Variants in HAPLN1 observed in about 807,000 individuals in gnomAD.
The protein encoded by HAPLN1 is hyaluronan and proteoglycan link protein 1, also known as Cartilage link protein.
A neutral mutation model predicts 36.5 loss-of-function variants in HAPLN1; 13 were observed. The ratio of observed to expected loss-of-function variants is 0.36; its 90% CI spans 0.23 to 0.57. The LOEUF (loss-of-function observed/expected upper bound fraction) is 0.57, where lower values mean the gene tolerates loss of function less well. HAPLN1 is among the 20% of genes least tolerant of loss of function. HAPLN1 has a pLI of 0.83. For synonymous variants in HAPLN1, 202 were observed against 169.8 expected (o/e 1.19, Z -1.48); for missense variants, 407 against 439.7 (o/e 0.93, Z 0.66).
intron 3 of HAPLN1, chr5:83,652,152 A>G: frequency 2.8e-6 from 1 of 362,004 alleles, no homozygotes; most frequent in Non-Finnish European, 4.9e-6. Context: ...ATAACCATAT[A>G]ATGGAATTTA....
rs1750103623 is a variant in HAPLN1, at chr5:83,652,693, G to A, written c.232C>T (p.Arg78Ter). The A allele has an allele frequency of 1.2e-6, 2 of 1,613,964 alleles. No homozygotes were observed. Among genetic ancestry groups the A allele is most frequent in the Non-Finnish European group, 8.5e-7 (1 of 1,179,968 alleles). ...GAAGTTAGCTTGGTCCACTTAATTC[G>A]GATTTTATGGATTCCTGAGCCAAAT... is the stretch of plus-strand genomic sequence containing the variant. ...TAFGSGIHKIRIKWTKLTSDY... is the reference protein window; with the variant it reads ...TAFGSGIHKI The change falls in exon 3 of 5, where the codon CGA (arginine) becomes TGA (stop). Residue 78 changes from arginine to a stop codon, truncating the protein, a stop_gained. Transcript: ENST00000274341. LOFTEE classifies it high-confidence loss of function.
At chr5:83,647,197 G>C (rs1749903054) in intron 3 of HAPLN1, among the ~76,000 whole-genome samples, 1 of 152,028 alleles carries the variant, frequency 6.6e-6, no homozygotes, top group South Asian at 2.1e-4. Flanking sequence ...ATATATTTTT[G>C]AGTTGTTTTC....
chr5:83,652,650 A>G lies in HAPLN1; in HGVS notation c.275T>C (p.Val92Ala), dbSNP rs1405050047. Reference protein sequence around the residue: ...TKLTSDYLKEVDVFVSMGYHK... With the variant: ...TKLTSDYLKEADVFVSMGYHK... Reference sequence around the variant, plus strand: ...GTATCCCATGGAAACAAAAACATCCACTTCCTTGAGGTAATCCGAAGTTAG... The same window carrying G: ...GTATCCCATGGAAACAAAAACATCCGCTTCCTTGAGGTAATCCGAAGTTAG... The change falls in exon 3 of 5, where the codon GTG (valine) becomes GCG (alanine). Residue 92 changes from valine (V) to alanine (A), a missense_variant. Val to Ala is a moderately conservative substitution (Grantham distance 64). Coordinates refer to ENST00000274341, the MANE Select transcript of HAPLN1 (RefSeq NM_001884.4). 13 of 1,614,012 alleles carry G rather than the reference A, an allele frequency of 8.1e-6. No individual in the cohort carries two copies. Among genetic ancestry groups the G allele is most frequent in the Non-Finnish European group, 1.1e-5 (13 of 1,180,008 alleles).
At chr5:83,663,555 ACTT>A (rs952391815) in intron 2 of HAPLN1, among the ~76,000 whole-genome samples, 98 of 152,194 alleles carry the variant, frequency 6.4e-4, no homozygotes, top group African/African-American at 2.3e-3. Context: ...CTTGCATTAT[ACTT>A]CTTCCTGAGC....
rs112813015 is a variant in HAPLN1, at chr5:83,701,927, A to AACACAC, written c.-27+18856_-27+18861dup. Among the ~76,000 whole-genome samples, 844 of 143,944 alleles carry AACACAC rather than the reference A, an allele frequency of 5.9e-3. 7 individuals carry two copies. Among genetic ancestry groups the AACACAC allele is most frequent in the African/African-American group, 0.016 (635 of 38,616 alleles). 94.4% of individuals were successfully genotyped at this position (143,944 alleles called of 152,430 possible). A position where few individuals can be genotyped will look rare whatever the true frequency, so the allele number is the denominator to read the frequency against. On this transcript the variant is annotated intron_variant, in intron 1 of 4. Transcript: ENST00000274341. ...GGCGACAGAGCGAGACTTCGACAAA[A>AACACAC]ACACACACACACACACACACACACA...
At position 83,666,902 on chromosome 5, in the gene HAPLN1, C is replaced by T. The variant is rs529972420; in HGVS notation, c.100+6522G>A. 3.9e-5 allele frequency among the ~76,000 whole-genome samples: 6 copies of T among 152,160 alleles called. No individual in the cohort carries two copies. In the South Asian group the frequency reaches 8.3e-4, roughly 21 times the overall value. On this transcript the variant is annotated intron_variant, in intron 2 of 4. Coordinates refer to ENST00000274341, the MANE Select transcript of HAPLN1 (RefSeq NM_001884.4). ...TCAGCAAATGGCTGAATTCTGTTTT[C>T]TCAAAAGGACACACAAATACAAAGA... is the stretch of plus-strand genomic sequence containing the variant.
intron 1 of HAPLN1, among the ~76,000 whole-genome samples, chr5:83,685,243 G>A (rs756306630): frequency 1.2e-4 from 19 of 152,160 alleles, no homozygotes; most frequent in African/African-American, 2.2e-4. Flanking sequence ...AGCTCCAGGA[G>A]GGTAGAAACT....
At chr5:83,689,587 G>A (rs545717618) in intron 1 of HAPLN1, among the ~76,000 whole-genome samples, 1 of 152,188 alleles carries the variant, frequency 6.6e-6, no homozygotes, top group African/African-American at 2.4e-5. Context: ...GGCTGCAGTG[G>A]AATGATAATA....
At chr5:83,670,124 A>C (rs1361226176) in intron 2 of HAPLN1, among the ~76,000 whole-genome samples, 1 of 152,214 alleles carries the variant, frequency 6.6e-6, no homozygotes, top group Non-Finnish European at 1.5e-5. Flanking sequence ...TATTTTGAAG[A>C]GTGTATTCAT....
rs538653305 is a variant in HAPLN1, at chr5:83,720,766, G to A, written c.-27+23C>T. On this transcript the variant is annotated intron_variant, in intron 1 of 4. Transcript: ENST00000274341. ...GGCACAAAGGTATAACCAAAAGAGG[G>A]GGAAACAATTTGCAAGTTTTACCTT... is the stretch of plus-strand genomic sequence containing the variant. The A allele has an allele frequency of 2.6e-5, 4 of 152,300 alleles. No individual in the cohort carries two copies. The South Asian group carries it at 6.2e-4, about 24-fold the overall frequency. The allele number at this position is 152,300 out of a possible 1,614,324, so 9.4% of individuals were successfully genotyped here.
chr5:83,642,290 C>A (rs538052228), intron 4 of HAPLN1, among the ~76,000 whole-genome samples: 1 of 152,308 alleles, frequency 6.6e-6, no homozygotes, highest in East Asian at 1.9e-4. Context: ...AGACATTATT[C>A]TCATTCAAAG....
chr5:83,679,907 T>G (rs2112607486), intron 1 of HAPLN1, among the ~76,000 whole-genome samples: 1 of 152,356 alleles, frequency 6.6e-6, no homozygotes, highest in East Asian at 1.9e-4. Context: ...GATTTAATGT[T>G]TTCTTACTGG....
At chr5:83,699,337 C>T (rs1350968712) in intron 1 of HAPLN1, among the ~76,000 whole-genome samples, 5 of 152,176 alleles carry the variant, frequency 3.3e-5, no homozygotes, top group Non-Finnish European at 2.9e-5. Context: ...CCCTGAATGA[C>T]GCCTTCCAGC....
chr5:83,653,639 G>T (rs962457049), intron 2 of HAPLN1, among the ~76,000 whole-genome samples: 23 of 151,868 alleles, frequency 1.5e-4, no homozygotes, highest in Admixed American at 2.6e-4. Flanking sequence ...GTCTTGTTTT[G>T]CAGTTATCTT....
chr5:83,695,655 A>G (rs1241031085), intron 1 of HAPLN1, among the ~76,000 whole-genome samples: 1 of 147,406 alleles, frequency 6.8e-6, no homozygotes, highest in African/African-American at 2.5e-5. Context: ...TATATAGATA[A>G]ATATATATCT....
chr5:83,711,604 G>A (rs749574332), intron 1 of HAPLN1, among the ~76,000 whole-genome samples: 7 of 152,086 alleles, frequency 4.6e-5, no homozygotes, highest in Non-Finnish European at 8.8e-5. Flanking sequence ...CCCTGGACCC[G>A]TAGTTGAGAA....
In HAPLN1 at chr5:83,684,077, G is replaced by A. The variant is rs571637544; in HGVS notation, c.-26-10528C>T. Reference sequence around the variant, plus strand: ...TTCTTTAGTGGTAATGAACATCTGCGAAGAGACCAGCAGCATGGCCCCTGA... The same window carrying A: ...TTCTTTAGTGGTAATGAACATCTGCAAAGAGACCAGCAGCATGGCCCCTGA... On this transcript the variant is annotated intron_variant, in intron 1 of 4. Transcript: ENST00000274341. Among the ~76,000 whole-genome samples the A allele has an allele frequency of 3.7e-4, 57 of 152,166 alleles. 1 individual carries two copies. The South Asian group carries it at 0.01, about 27-fold the overall frequency.
chr5:83,669,711 A>G (rs1304165227), intron 2 of HAPLN1, among the ~76,000 whole-genome samples: 1 of 152,038 alleles, frequency 6.6e-6, no homozygotes, highest in Non-Finnish European at 1.5e-5. Flanking sequence ...TCAATTTTCC[A>G]TAACAGGGAG....
At chr5:83,709,342 A>G (rs918636401) in intron 1 of HAPLN1, among the ~76,000 whole-genome samples, 5 of 152,232 alleles carry the variant, frequency 3.3e-5, no homozygotes, top group African/African-American at 1.2e-4. Context: ...TCTTAAGCAT[A>G]TTAATCACAT....
Sources: gnomAD v4.1 joint callset for allele counts (sites outside exome capture counted in the v4.1 genomes callset) on GRCh38, gnomAD v4.1.1 for gene constraint, MANE v1.5 for transcripts, NCBI Gene and HGNC (gene_info 2026-07-23, HGNC 2026-07-21) for gene names.